The following TANC2 variants were observed in gnomAD, a reference collection of about 807,000 sequenced individuals.
TANC2 encodes the protein protein TANC2.
TANC2 carries 26 observed loss-of-function variants against 210.5 expected under a neutral mutation model. That is an observed-to-expected ratio of 0.12 (90% CI 0.09 to 0.17). The LOEUF (loss-of-function observed/expected upper bound fraction) is 0.17, where lower values mean the gene tolerates loss of function less well. Ranked by LOEUF, TANC2 falls within the 10% of genes least tolerant of loss-of-function variation. The probability of loss-of-function intolerance (pLI) is 1.00; values close to 1 mark genes in which losing one functional copy is unlikely to be tolerated. For missense variants in TANC2, 2,129 were observed against 2,608.9 expected (o/e 0.82, Z 4.01); for synonymous variants, 931 against 967.1 (o/e 0.96, Z 0.69).
chr17:63,181,720 A>G (rs1277261411), intron 5 of TANC2, among the ~76,000 whole-genome samples: 1 of 152,220 alleles, frequency 6.6e-6, no homozygotes, highest in Non-Finnish European at 1.5e-5. Flanking sequence ...CACATTTAGC[A>G]GGTACAGCCC....
Position 63,420,890 on chromosome 17 carries a change from A to C in TANC2, c.5160A>C (p.Val1720=). ...TCCCCACAGGAGCCTATGGCCAAGT[A>C]GCCCATTCAATGGCCAGTAAATACC... The change falls in exon 28 of 28, where the codon GTA becomes GTC. Residue 1720 remains valine (V), a synonymous_variant. Coordinates refer to ENST00000689528, the Ensembl canonical transcript of TANC2. This position sits in a 1 kb window ranked among gnomAD's most constrained non-coding sequence, Gnocchi z 4.2. 1 of 1,614,058 alleles carries C rather than the reference A, an allele frequency of 6.2e-7. No homozygotes were observed. Among genetic ancestry groups the C allele is most frequent in the Non-Finnish European group, 8.5e-7 (1 of 1,179,892 alleles).
At chr17:63,285,355 A>C (rs1050984315) in intron 9 of TANC2, among the ~76,000 whole-genome samples, 1 of 151,510 alleles carries the variant, frequency 6.6e-6, no homozygotes, top group African/African-American at 2.4e-5. Flanking sequence ...TTATCTCCTT[A>C]GTTAATTAGC....
chr17:63,405,377 G>A, intron 20 of TANC2, 122 bp downstream of exon 20: 3 of 1,125,736 alleles, frequency 2.7e-6, no homozygotes, highest in Non-Finnish European at 2.4e-6. Flanking sequence ...TCAGGTTTGA[G>A]GACTTGGACC....
At chr17:62,983,488 A>G (rs1598186948) in intron 1 of TANC2, among the ~76,000 whole-genome samples, 3 of 152,116 alleles carry the variant, frequency 2.0e-5, no homozygotes, top group Admixed American at 2.0e-4. Context: ...TGCTCTGGCT[A>G]GGAATTGCAG....
intron 2 of TANC2, among the ~76,000 whole-genome samples, chr17:63,032,164 A>G (rs1357003496): frequency 2.0e-5 from 3 of 152,170 alleles, no homozygotes; most frequent in African/African-American, 4.8e-5. Flanking sequence ...ATAGCTACCA[A>G]CAACTGAGTT....
chr17:63,324,259 A>C (rs185688027), intron 11 of TANC2, among the ~76,000 whole-genome samples: 1 of 152,330 alleles, frequency 6.6e-6, no homozygotes, highest in Admixed American at 6.5e-5. Context: ...GAGATACAAA[A>C]AGCAAAGGTT....
intron 5 of TANC2, among the ~76,000 whole-genome samples, chr17:63,184,117 A>G (rs1485260013): frequency 6.6e-6 from 1 of 152,194 alleles, no homozygotes; most frequent in Non-Finnish European, 1.5e-5. Flanking sequence ...AAAACATAAC[A>G]TATTTCATAT....
At chr17:63,068,185 T>C (rs1372495706) in intron 2 of TANC2, among the ~76,000 whole-genome samples, 1 of 151,946 alleles carries the variant, frequency 6.6e-6, no homozygotes, top group Non-Finnish European at 1.5e-5. Flanking sequence ...TAAACAAGAA[T>C]ATACACACAC....
At chr17:63,176,536 T>A (rs2145612871) in intron 5 of TANC2, among the ~76,000 whole-genome samples, 1 of 152,330 alleles carries the variant, frequency 6.6e-6, no homozygotes, top group Middle Eastern at 3.4e-3. Flanking sequence ...CCGGTTGCGG[T>A]GGCTTACGCC....
chr17:63,098,490 TC>T (rs1315783996), intron 3 of TANC2, among the ~76,000 whole-genome samples: 2 of 100,522 alleles, frequency 2.0e-5, no homozygotes, highest in Non-Finnish European at 3.8e-5. Context: ...ATACACTCTC[TC>T]TCTCTCTCTC....
At chr17:63,247,290 A>G (rs546773314) in intron 8 of TANC2, among the ~76,000 whole-genome samples, 21 of 151,668 alleles carry the variant, frequency 1.4e-4, no homozygotes, top group Non-Finnish European at 1.9e-4. Context: ...CAATTTGTCA[A>G]TTTTTTTTCT....
chr17:63,355,680 T>C (rs2046760647), intron 14 of TANC2, among the ~76,000 whole-genome samples: 1 of 152,208 alleles, frequency 6.6e-6, no homozygotes, highest in Non-Finnish European at 1.5e-5. Flanking sequence ...ATAATTAAGT[T>C]AACCATTTAA....
At chr17:63,143,342 A>G (rs942633213) in intron 4 of TANC2, among the ~76,000 whole-genome samples, 3 of 152,176 alleles carry the variant, frequency 2.0e-5, no homozygotes, top group African/African-American at 7.2e-5. Flanking sequence ...TTTCTAGTAG[A>G]GAGTGGGGCC....
Position 63,095,744 on chromosome 17 carries a change from A to G in TANC2, c.140-3431A>G, listed in dbSNP as rs142768109. On this transcript the variant is annotated intron_variant, in intron 3 of 27. Transcript: ENST00000689528. ...GAGATTTTGAAATCGCTATTTACCC[A>G]GGAAAAAATGGTATATAATCAAATT... Among the ~76,000 whole-genome samples, 60 of 152,282 alleles carry G rather than the reference A, an allele frequency of 3.9e-4. 1 individual carries two copies. In the East Asian group the frequency reaches 8.7e-3, roughly 22 times the overall value.
intron 2 of TANC2, among the ~76,000 whole-genome samples, chr17:63,024,795 A>G (rs999899741): frequency 2.0e-5 from 3 of 152,374 alleles, no homozygotes; most frequent in African/African-American, 7.2e-5. Context: ...AATAGAAGCC[A>G]TTGAATTCTC....
At chr17:63,165,799 A>G (rs2040191381) in intron 5 of TANC2, among the ~76,000 whole-genome samples, 1 of 152,236 alleles carries the variant, frequency 6.6e-6, no homozygotes, top group Non-Finnish European at 1.5e-5. Flanking sequence ...CCAGGCCAAT[A>G]AGGGAATAAT....
At chr17:63,243,159 G>A (rs569123006) in intron 8 of TANC2, among the ~76,000 whole-genome samples, 16 of 152,166 alleles carry the variant, frequency 1.1e-4, no homozygotes, top group African/African-American at 3.6e-4. Context: ...GTGAGATATC[G>A]CTATACCCAA....
intron 3 of TANC2, among the ~76,000 whole-genome samples, chr17:63,085,972 CT>C (rs2036949755): frequency 1.3e-5 from 2 of 151,312 alleles, no homozygotes; most frequent in East Asian, 3.9e-4. Flanking sequence ...TTGGGAAAGT[CT>C]TTATTTCTCC....
intron 9 of TANC2, among the ~76,000 whole-genome samples, chr17:63,309,059 G>GA (rs1197778274): frequency 6.6e-6 from 1 of 151,968 alleles, no homozygotes; most frequent in Non-Finnish European, 1.5e-5. Context: ...ACATTTCCAT[G>GA]ATTCTGGAAA....
Sources: gnomAD v4.1 joint callset for allele counts (sites outside exome capture counted in the v4.1 genomes callset) on GRCh38, gnomAD v4.1.1 for gene constraint, Gnocchi (gnomAD v3.1) non-coding constraint, MANE v1.5 for transcripts, NCBI Gene and HGNC (gene_info 2026-07-23, HGNC 2026-07-21) for gene names.